Variants in ESRRG observed in about 807,000 individuals in gnomAD.
ESRRG encodes the protein estrogen related receptor gamma, also known as estrogen-related receptor gamma.
In ESRRG, 13 loss-of-function variants were observed where a neutral mutation model predicts 44.0. That is an observed-to-expected ratio of 0.30 (90% CI 0.19 to 0.47). The LOEUF (loss-of-function observed/expected upper bound fraction) is 0.47, where lower values mean the gene tolerates loss of function less well. Ranked by LOEUF, ESRRG falls within the 20% of genes least tolerant of loss-of-function variation. The pLI is 1.00. For missense variants in ESRRG, 395 were observed against 580.6 expected (o/e 0.68, Z 3.29); for synonymous variants, 215 against 214.6 (o/e 1.00, Z -0.02).
intron 1 of ESRRG, among the ~76,000 whole-genome samples, chr1:217,009,696 CTTTTTCTTTTTT>C (rs2078257579): frequency 7.3e-6 from 1 of 136,810 alleles, no homozygotes; most frequent in Non-Finnish European, 1.6e-5. Flanking sequence ...TTTCCTTTTT[CTTTTTCTTTTTT>C]TTTTTTTTTT....
At chr1:216,798,512 C>G (rs1231016139) in intron 2 of ESRRG, among the ~76,000 whole-genome samples, 1 of 152,080 alleles carries the variant, frequency 6.6e-6, no homozygotes, top group Non-Finnish European at 1.5e-5. Flanking sequence ...AGGGCTGCCT[C>G]CTGAAAATCC....
At chr1:217,105,841 C>T (rs922687252) in intron 1 of ESRRG, among the ~76,000 whole-genome samples, 1 of 152,110 alleles carries the variant, frequency 6.6e-6, no homozygotes, top group South Asian at 2.1e-4. Context: ...GGCTATGTGA[C>T]CTTGGAGTCT....
intron 1 of ESRRG, among the ~76,000 whole-genome samples, chr1:216,965,764 G>A (rs2070201510): frequency 6.6e-6 from 1 of 152,212 alleles, no homozygotes; most frequent in African/African-American, 2.4e-5. Context: ...AAAGAGCTGG[G>A]AGTAGGAAGG....
upstream of ESRRG, among the ~76,000 whole-genome samples, chr1:217,093,752 C>T (rs1437852032): frequency 1.3e-5 from 2 of 151,306 alleles, no homozygotes; most frequent in African/African-American, 4.9e-5. Context: ...CACTGCACTC[C>T]AGCTGAGGTG....
chr1:216,541,720 G>A (rs1225764553), intron 5 of ESRRG, among the ~76,000 whole-genome samples: 1 of 151,894 alleles, frequency 6.6e-6, no homozygotes, highest in Non-Finnish European at 1.5e-5. Context: ...ATAGGGAATA[G>A]CTTACAATTT....
chr1:216,924,007 G>A (rs1440652280), intron 2 of ESRRG, among the ~76,000 whole-genome samples: 1 of 152,184 alleles, frequency 6.6e-6, no homozygotes, highest in East Asian at 1.9e-4. Flanking sequence ...AGCTTTGCAA[G>A]AGCTTTCAAA....
intron 1 of ESRRG, among the ~76,000 whole-genome samples, chr1:216,993,203 A>C (rs2075963205): frequency 6.6e-6 from 1 of 152,224 alleles, no homozygotes; most frequent in African/African-American, 2.4e-5. Context: ...ATATTTAGCC[A>C]CAAGAAATTG....
chr1:216,734,935 G>A (rs2089593627), intron 2 of ESRRG, among the ~76,000 whole-genome samples: 1 of 122,632 alleles, frequency 8.2e-6, no homozygotes, highest in South Asian at 2.7e-4. Flanking sequence ...TTGAGACGGA[G>A]TCTTCCTCTG....
At chr1:216,694,561 T>G (rs2079730691) in intron 1 of ESRRG, among the ~76,000 whole-genome samples, 1 of 152,056 alleles carries the variant, frequency 6.6e-6, no homozygotes, top group African/African-American at 2.4e-5. Flanking sequence ...TTTATTTTAT[T>G]TTATTTTATT....
At chr1:217,028,881 A>T (rs1186193957) in intron 1 of ESRRG, among the ~76,000 whole-genome samples, 1 of 152,204 alleles carries the variant, frequency 6.6e-6, no homozygotes, top group Non-Finnish European at 1.5e-5. Context: ...CCTTGAAAAA[A>T]TACTAAGTAT....
intron 2 of ESRRG, among the ~76,000 whole-genome samples, chr1:216,832,347 A>T: frequency 6.6e-6 from 1 of 152,052 alleles, no homozygotes; most frequent in Middle Eastern, 3.4e-3. Flanking sequence ...CTGAACTGAA[A>T]GTTCCTTTTG....
At chr1:216,527,379 G>A (rs2047987215) in intron 5 of ESRRG, among the ~76,000 whole-genome samples, 1 of 152,026 alleles carries the variant, frequency 6.6e-6, no homozygotes, top group Non-Finnish European at 1.5e-5. Context: ...GGCTAGTCAA[G>A]CAATCTTTAA....
chr1:216,660,794 G>A (rs1015032551), intron 2 of ESRRG, among the ~76,000 whole-genome samples: 6 of 152,008 alleles, frequency 3.9e-5, no homozygotes, highest in East Asian at 1.9e-4. Context: ...TTTAGAGAAC[G>A]GAATCTCTCA....
intron 1 of ESRRG, among the ~76,000 whole-genome samples, chr1:216,699,478 C>G (rs1213122973): frequency 6.6e-6 from 1 of 152,090 alleles, no homozygotes; most frequent in Non-Finnish European, 1.5e-5. Context: ...TTCAGTCTAC[C>G]TGTCATGGAG....
chr1:216,818,846 T>C (rs1175742320), intron 2 of ESRRG, among the ~76,000 whole-genome samples: 1 of 152,150 alleles, frequency 6.6e-6, no homozygotes, highest in East Asian at 1.9e-4. Context: ...CTCCCACTTA[T>C]AAGTGAGATC....
intron 1 of ESRRG, among the ~76,000 whole-genome samples, chr1:217,122,572 T>C (rs2092833368): frequency 6.6e-6 from 1 of 152,124 alleles, no homozygotes; most frequent in South Asian, 2.1e-4. Flanking sequence ...CCCAGGCTTC[T>C]TCATCCGGTG....
chr1:216,850,478 T>G (rs912627971), intron 2 of ESRRG, among the ~76,000 whole-genome samples: 5 of 152,098 alleles, frequency 3.3e-5, no homozygotes, highest in African/African-American at 1.2e-4. Flanking sequence ...ACAGGTAGTT[T>G]TAAACCAAAA....
intron 4 of ESRRG, 110 bp downstream of exon 4, chr1:216,567,878 A>G: frequency 1.5e-6 from 1 of 677,800 alleles, no homozygotes; most frequent in African/African-American, 1.8e-5. Flanking sequence ...TCTCCAACAA[A>G]GAGAAGTCTC....
intron 2 of ESRRG, among the ~76,000 whole-genome samples, chr1:216,921,185 A>G (rs971164030): frequency 1.3e-5 from 2 of 152,208 alleles, no homozygotes; most frequent in Non-Finnish European, 2.9e-5. Flanking sequence ...GAAAGACATC[A>G]CGTAGATACC....
Sources: gnomAD v4.1 joint callset for allele counts (sites outside exome capture counted in the v4.1 genomes callset) on GRCh38, gnomAD v4.1.1 for gene constraint, MANE v1.5 for transcripts, NCBI Gene and HGNC (gene_info 2026-07-23, HGNC 2026-07-21) for gene names.